The following CAMK2A variants were observed in gnomAD, a reference collection of about 807,000 sequenced individuals.
CAMK2A encodes calcium/calmodulin-dependent protein kinase type II subunit alpha.
A neutral mutation model predicts 79.2 loss-of-function variants in CAMK2A; 7 were observed. That is an observed-to-expected ratio of 0.09 (90% CI 0.05 to 0.17). CAMK2A has a LOEUF of 0.17. CAMK2A is among the 10% of genes least tolerant of loss of function. CAMK2A has a pLI of 1.00. For synonymous variants in CAMK2A, 242 were observed against 251.7 expected (o/e 0.96, Z 0.36); for missense variants, 214 against 646.4 (o/e 0.33, Z 7.25).
chr5:150,276,968 G>A (rs957244209), intron 1 of CAMK2A, among the ~76,000 whole-genome samples: 11 of 152,116 alleles, frequency 7.2e-5, no homozygotes, highest in African/African-American at 2.2e-4. Context: ...GATGGCTCAC[G>A]CCCGCAATCC....
At chr5:150,244,946 C>A (rs190953704) in intron 13 of CAMK2A, among the ~76,000 whole-genome samples, 2 of 152,114 alleles carry the variant, frequency 1.3e-5, no homozygotes, top group South Asian at 2.1e-4. Context: ...CTCCTCCAGT[C>A]CCCCCTCTCC....
chr5:150,286,560 C>G (rs913803307), intron 1 of CAMK2A, among the ~76,000 whole-genome samples: 1 of 152,246 alleles, frequency 6.6e-6, no homozygotes, highest in Non-Finnish European at 1.5e-5. Context: ...CCCATGTGCC[C>G]TTTTAGGGCC....
intron 1 of CAMK2A, among the ~76,000 whole-genome samples, chr5:150,275,354 A>G (rs1337613375): frequency 6.6e-6 from 1 of 151,764 alleles, no homozygotes; most frequent in Non-Finnish European, 1.5e-5. Flanking sequence ...CATCATTCCC[A>G]TGCTTCTGGC....
At position 150,238,774 on chromosome 5, in the gene CAMK2A, T is replaced by C. The variant is rs371219168; in HGVS notation, c.1018-26A>G. 119 of 1,583,272 alleles carry C rather than the reference T, an allele frequency of 7.5e-5. 1 individual carries two copies. The highest frequency in any genetic ancestry group is 1.5e-5 in the Non-Finnish European group (18 of 1,162,360). ...CTGCCAAAGAGAATACAGGAGATGGTGAGGCCTGCCTGGGAGCGGGACGAG... is the reference window on the plus strand; with the variant it reads ...CTGCCAAAGAGAATACAGGAGATGGCGAGGCCTGCCTGGGAGCGGGACGAG... On this transcript the variant is annotated intron_variant, in intron 14 of 18. Coordinates refer to ENST00000671881, the MANE Select transcript of CAMK2A (RefSeq NM_015981.4).
chr5:150,232,766 C>T (rs1754901715), intron 15 of CAMK2A, among the ~76,000 whole-genome samples: 2 of 152,210 alleles, frequency 1.3e-5, no homozygotes, highest in Non-Finnish European at 2.9e-5. Context: ...TCACCAGTTG[C>T]CCACACCACA....
At chr5:150,238,910 C>T (rs902181496) in intron 14 of CAMK2A, among the ~76,000 whole-genome samples, 162 bp from the exon 15 acceptor site, 2 of 152,118 alleles carry the variant, frequency 1.3e-5, no homozygotes, top group African/African-American at 4.8e-5. Flanking sequence ...AGCCTCAAGA[C>T]GGGGAGGGCC....
intron 13 of CAMK2A, among the ~76,000 whole-genome samples, chr5:150,244,732 G>T (rs1161773426): frequency 6.6e-6 from 1 of 152,156 alleles, no homozygotes; most frequent in Non-Finnish European, 1.5e-5. Context: ...TTTCTGGGTG[G>T]AACTAAGGTG....
chr5:150,251,922 A>AG, intron 8 of CAMK2A, 60 bp downstream of exon 8: 1 of 1,561,928 alleles, frequency 6.4e-7, no homozygotes, highest in East Asian at 2.2e-5. Context: ...GAAAGGAGAG[A>AG]GGGGGCCCCA....
At chr5:150,247,684 G>T in intron 12 of CAMK2A, 88 bp downstream of exon 12, 2 of 1,083,182 alleles carry the variant, frequency 1.8e-6, no homozygotes, top group Non-Finnish European at 2.8e-6. Flanking sequence ...AGGCCCAGTG[G>T]CCTGGGGGCA....
At chr5:150,286,883 C>T (rs1009185809) in intron 1 of CAMK2A, among the ~76,000 whole-genome samples, 1 of 152,256 alleles carries the variant, frequency 6.6e-6, no homozygotes, top group East Asian at 1.9e-4. Context: ...CAGTAGCAAT[C>T]GGCCCTGGGG....
At chr5:150,232,955 C>T (rs1012895193) in intron 15 of CAMK2A, among the ~76,000 whole-genome samples, 7 of 152,256 alleles carry the variant, frequency 4.6e-5, no homozygotes, top group Non-Finnish European at 7.3e-5. Context: ...CCTGGCTCCT[C>T]GCCCAGGGCC....
At chr5:150,275,834 G>C (rs1036941204) in intron 1 of CAMK2A, among the ~76,000 whole-genome samples, 7 of 149,440 alleles carry the variant, frequency 4.7e-5, no homozygotes, top group African/African-American at 1.7e-4. Flanking sequence ...CAAACCAGAA[G>C]GTCTCCCAGC....
At chr5:150,273,454 C>T (rs1303765434) in intron 1 of CAMK2A, among the ~76,000 whole-genome samples, 4 of 152,176 alleles carry the variant, frequency 2.6e-5, no homozygotes, top group Admixed American at 2.0e-4. Flanking sequence ...GTGTTAGAAC[C>T]GTGGAATCCA....
intron 3 of CAMK2A, 80 bp downstream of exon 3, chr5:150,264,876 C>A (rs953765503): frequency 9.1e-7 from 1 of 1,094,876 alleles, no homozygotes; most frequent in Non-Finnish European, 1.4e-6. Context: ...CTCCACCCAA[C>A]CCGCAAACAC....
intron 15 of CAMK2A, among the ~76,000 whole-genome samples, chr5:150,236,399 G>C (rs1181691501): frequency 6.6e-6 from 1 of 152,192 alleles, no homozygotes; most frequent in African/African-American, 2.4e-5. Context: ...AATTGAGATT[G>C]ATTAAATAGC....
intron 1 of CAMK2A, among the ~76,000 whole-genome samples, chr5:150,285,894 C>G (rs969107956): frequency 6.6e-6 from 1 of 152,172 alleles, no homozygotes; most frequent in Non-Finnish European, 1.5e-5. Context: ...ATCAGAAGCC[C>G]GGAGAATGCC....
intron 2 of CAMK2A, among the ~76,000 whole-genome samples, chr5:150,267,726 G>A (rs1756572219): frequency 6.6e-6 from 1 of 152,030 alleles, no homozygotes; most frequent in African/African-American, 2.4e-5. Context: ...CCGAGGCCGT[G>A]TTCTGTTATA....
At chr5:150,288,647 C>T (rs1035640271) in intron 1 of CAMK2A, among the ~76,000 whole-genome samples, 5 of 152,212 alleles carry the variant, frequency 3.3e-5, no homozygotes, top group African/African-American at 7.2e-5. Flanking sequence ...ACCAGGGCAT[C>T]GGTGCTCCTT....
intron 17 of CAMK2A, among the ~76,000 whole-genome samples, chr5:150,226,732 C>CA (rs1169994426): frequency 0.083 from 1,283 of 15,498 alleles, 93 homozygotes; most frequent in Admixed American, 0.23. Flanking sequence ...GAGACTCAGT[C>CA]AAAAAAAAAA....
Sources: allele counts gnomAD v4.1 joint callset (sites outside exome capture counted in the v4.1 genomes callset), GRCh38; gene constraint gnomAD v4.1.1; transcripts MANE v1.5; gene names NCBI Gene and HGNC (gene_info 2026-07-23, HGNC 2026-07-21).